SH3GLB1: variants seen among roughly 807,000 people sequenced by gnomAD.
The protein encoded by SH3GLB1 is SH3 domain containing GRB2 like, endophilin B1, also known as endophilin-B1.
A neutral mutation model predicts 42.0 loss-of-function variants in SH3GLB1; 17 were observed. That is an observed-to-expected ratio of 0.40 (90% confidence interval 0.28 to 0.61). SH3GLB1 has a LOEUF of 0.61. SH3GLB1 is among the 20% of genes least tolerant of loss of function. The probability of loss-of-function intolerance (pLI) is 0.36; values close to 1 mark genes in which losing one functional copy is unlikely to be tolerated. For missense variants in SH3GLB1, 355 were observed against 426.3 expected (o/e 0.83, Z 1.47); for synonymous variants, 132 against 146.6 (o/e 0.90, Z 0.72).
chr1:86,734,627 A>G lies in SH3GLB1; in HGVS notation c.596A>G (p.Gln199Arg), dbSNP rs766046170. Residue 199 changes from glutamine to arginine, a missense_variant, in exon 6 of 9, where the codon CAA (glutamine) becomes CGA (arginine). By Grantham distance (43) the Gln-to-Arg change is conservative. Coordinates refer to ENST00000370558, the MANE Select transcript of SH3GLB1 (RefSeq NM_016009.5). ...TCTGAACAGGAATTAAGAATAACTC[A>G]AAGTGAATTTGATCGTCAAGCAGAG... is the stretch of plus-strand genomic sequence containing the variant. ...NSSEQELRITQSEFDRQAEIT... is the reference protein window; with the variant it reads ...NSSEQELRITRSEFDRQAEIT... 2.5e-6 allele frequency: 4 copies of G among 1,613,144 alleles called. No individual in the cohort carries two copies. Among genetic ancestry groups the G allele is most frequent in the Non-Finnish European group, 3.4e-6 (4 of 1,179,306 alleles).
In SH3GLB1 at chr1:86,704,984, T is replaced by C. The variant is rs1653741915; in HGVS notation, c.72+13T>C. 1 of 1,559,560 alleles carries C rather than the reference T, an allele frequency of 6.4e-7. No individual in the cohort carries two copies. The highest frequency in any genetic ancestry group is 8.7e-7 in the Non-Finnish European group (1 of 1,153,308). On this transcript the variant is annotated intron_variant, in intron 1 of 8. Transcript: ENST00000370558. ...TCGCGCCGTGCAGGTACCCTGGTGC[T>C]GGGGGGAAAAGGGGTGGCGGCGCCC...
intron 6 of SH3GLB1, 116 bp downstream of exon 6, chr1:86,734,807 A>G: frequency 1.4e-6 from 1 of 703,032 alleles, no homozygotes; most frequent in Non-Finnish European, 2.5e-6. Flanking sequence ...AAATTGTTCT[A>G]CTTTCCAATA....
intron 5 of SH3GLB1, among the ~76,000 whole-genome samples, chr1:86,724,696 A>G (rs1655059086): frequency 6.6e-6 from 1 of 151,474 alleles, no homozygotes; most frequent in Non-Finnish European, 1.5e-5. Context: ...AACATGGCAC[A>G]GCCCCGTCTC....
chr1:86,704,767 C>CT lies in SH3GLB1; in HGVS notation c.-132dup. On this transcript the variant is annotated 5_prime_UTR_variant, in exon 1 of 9. Transcript: ENST00000370558. ...CCGTTCACGGAAACGACAGCTGCGG[C>CT]TGCGGGGCTGGCGCCGCCTCCCTCC... is the stretch of plus-strand genomic sequence containing the variant. 1 of 516,122 alleles carries CT rather than the reference C, an allele frequency of 1.9e-6. No individual in the cohort carries two copies. The allele number at this position is 516,122 out of a possible 1,614,324, so 32.0% of individuals were successfully genotyped here. A position where few individuals can be genotyped will look rare whatever the true frequency, so the allele number is the denominator to read the frequency against.
chr1:86,726,057 T>C (rs1009628456), intron 5 of SH3GLB1, among the ~76,000 whole-genome samples: 2 of 152,096 alleles, frequency 1.3e-5, no homozygotes, highest in Admixed American at 6.5e-5. Flanking sequence ...TTCTAGTTGC[T>C]AATAATTAAT....
intron 3 of SH3GLB1, among the ~76,000 whole-genome samples, chr1:86,722,066 G>A (rs1654894141): frequency 6.9e-6 from 1 of 145,412 alleles, no homozygotes; most frequent in Non-Finnish European, 1.5e-5. Flanking sequence ...TGCCCAGGCT[G>A]GCCTTAAACT....
chr1:86,735,338 C>A (rs1655729687), intron 7 of SH3GLB1, among the ~76,000 whole-genome samples, 159 bp downstream of exon 7: 1 of 151,926 alleles, frequency 6.6e-6, no homozygotes, highest in South Asian at 2.1e-4. Flanking sequence ...TCTGAGGTAA[C>A]AGAATATTTT....
intron 3 of SH3GLB1, 99 bp from the exon 4 acceptor site, chr1:86,722,441 G>A (rs1464387145): frequency 2.8e-6 from 3 of 1,077,472 alleles, no homozygotes; most frequent in Admixed American, 2.7e-5. Context: ...GCAAGTTACA[G>A]CTAACTTTTA....
intron 1 of SH3GLB1, among the ~76,000 whole-genome samples, chr1:86,711,915 T>C (rs1262262331): frequency 6.6e-6 from 1 of 152,112 alleles, no homozygotes; most frequent in Non-Finnish European, 1.5e-5. Flanking sequence ...TGATTAGTAA[T>C]TTAAATATTA....
At chr1:86,714,725 G>C (rs572637997) in intron 1 of SH3GLB1, among the ~76,000 whole-genome samples, 25 of 152,282 alleles carry the variant, frequency 1.6e-4, no homozygotes, top group African/African-American at 6.0e-4. Context: ...AGCCAGAAGT[G>C]AGTCATTACT....
At chr1:86,708,603 G>C (rs1438575773) in intron 1 of SH3GLB1, among the ~76,000 whole-genome samples, 1 of 152,178 alleles carries the variant, frequency 6.6e-6, no homozygotes, top group Non-Finnish European at 1.5e-5. Flanking sequence ...TGTTAGACTA[G>C]AATGTATAAA....
rs263467 is a variant in SH3GLB1, at chr1:86,716,258, T to G, written c.214+393T>G. Among the ~76,000 whole-genome samples the G allele has an allele frequency of 3.9e-3, 482 of 123,598 alleles. 6 individuals carry two copies. In the East Asian group the frequency reaches 0.076, roughly 20 times the overall value. The allele number at this position is 123,598 out of a possible 152,430, so 81.1% of individuals were successfully genotyped here. Reference sequence around the variant, plus strand: ...TTATGTTTAAGTTTTTGGTGTGTTTTTTTGTTTGTTTGTTTGTTTGTTTGT... The same window carrying G: ...TTATGTTTAAGTTTTTGGTGTGTTTGTTTGTTTGTTTGTTTGTTTGTTTGT... On this transcript the variant is annotated intron_variant, in intron 2 of 8. Transcript: ENST00000370558.
rs377630060 is a variant in SH3GLB1 at position 86,734,596 on chromosome 1, C to T, written c.571-6C>T. On this transcript the variant is annotated splice_polypyrimidine_tract_variant and splice_region_variant and intron_variant, in intron 5 of 8. Transcript: ENST00000370558. ...AAGAGATTCTAAAACTATATTCTTA[C>T]TTAAGTCTGAACAGGAATTAAGAAT... 23 of 1,597,574 alleles carry T rather than the reference C, an allele frequency of 1.4e-5. No individual in the cohort carries two copies. The highest frequency in any genetic ancestry group is 1.9e-5 in the Non-Finnish European group (22 of 1,165,684).
Position 86,724,324 on chromosome 1 carries a change from A to T in SH3GLB1, c.489A>T (p.Lys163Asn), listed in dbSNP as rs1655035562. Residue 163 changes from lysine to asparagine, a missense_variant, in exon 5 of 9, where the codon AAA becomes AAT. Transcript: ENST00000370558. ...GDYKTIAKER[K>N]LLQNKRLDLD... ...TTCTATATTTATAGAAAGAAAGGAA[A>T]CTATTGCAAAATAAGAGACTGGATT... 15 of 1,584,262 alleles carry T rather than the reference A, an allele frequency of 9.5e-6. No individual in the cohort carries two copies. Among genetic ancestry groups the T allele is most frequent in the Non-Finnish European group, 1.3e-5 (15 of 1,170,832 alleles).
rs201518937 is a variant in SH3GLB1 at position 86,724,353 on chromosome 1, A to T, written c.518A>T (p.Asp173Val). The change falls in exon 5 of 9, where the codon GAT becomes GTT. Residue 173 changes from aspartate (D) to valine (V), a missense_variant. Transcript: ENST00000370558. The stretch of plus-strand genomic sequence containing the variant: ...TTGCAAAATAAGAGACTGGATTTGG[A>T]TGCTGCAAAAACGAGACTAAAAAAG... ...KLLQNKRLDL[D>V]AAKTRLKKAK... 1 of 1,604,166 alleles carries T rather than the reference A, an allele frequency of 6.2e-7. No individual in the cohort carries two copies. Among genetic ancestry groups the T allele is most frequent in the Non-Finnish European group, 8.5e-7 (1 of 1,177,312 alleles).
Position 86,719,734 on chromosome 1 carries a change from A to G in SH3GLB1, c.343+99A>G, listed in dbSNP as rs1050646431. On this transcript the variant is annotated intron_variant, in intron 3 of 8. Coordinates refer to ENST00000370558, the MANE Select transcript of SH3GLB1 (RefSeq NM_016009.5). ...TAGTAGGCCGGGTGCAGTGGCTCACACCTGTAATCCCAGCACTTTGGGTGG... is the reference window on the plus strand; with the variant it reads ...TAGTAGGCCGGGTGCAGTGGCTCACGCCTGTAATCCCAGCACTTTGGGTGG... 2.2e-5 allele frequency: 27 copies of G among 1,228,182 alleles called. 1 individual carries two copies. The highest frequency in any genetic ancestry group is 9.1e-5 in the Admixed American group (4 of 44,124). The allele number at this position is 1,228,182 out of a possible 1,614,324, so 76.1% of individuals were successfully genotyped here.
At chr1:86,732,376 G>A (rs561501045) in intron 5 of SH3GLB1, among the ~76,000 whole-genome samples, 13 of 152,252 alleles carry the variant, frequency 8.5e-5, no homozygotes. Flanking sequence ...TTTTTTAGAC[G>A]ACAGAATATC....
intron 1 of SH3GLB1, among the ~76,000 whole-genome samples, chr1:86,713,971 A>G (rs1333536614): frequency 2.0e-5 from 3 of 152,244 alleles, no homozygotes; most frequent in Non-Finnish European, 4.4e-5. Flanking sequence ...TGCCTAGCAC[A>G]TATGTAGGTG....
intron 3 of SH3GLB1, among the ~76,000 whole-genome samples, chr1:86,721,591 A>G (rs573870308): frequency 6.6e-6 from 1 of 152,292 alleles, no homozygotes; most frequent in Non-Finnish European, 1.5e-5. Context: ...TTTGTACTGT[A>G]CTTGCCCTAT....
Sources: allele counts gnomAD v4.1 joint callset (sites outside exome capture counted in the v4.1 genomes callset), GRCh38; gene constraint gnomAD v4.1.1; transcripts MANE v1.5; gene names NCBI Gene and HGNC (gene_info 2026-07-23, HGNC 2026-07-21).